The following TUT7 variants were observed in gnomAD, a reference collection of about 807,000 sequenced individuals.
TUT7 encodes terminal uridylyltransferase 7.
Under a neutral mutation model 165.9 loss-of-function variants are expected in TUT7, and 33 were observed. The ratio of observed to expected loss-of-function variants is 0.20; its 90% CI spans 0.15 to 0.27. The LOEUF (loss-of-function observed/expected upper bound fraction) is 0.27, where lower values mean the gene tolerates loss of function less well. Ranked by LOEUF, TUT7 falls within the 10% of genes least tolerant of loss-of-function variation. The pLI is 1.00. For synonymous variants in TUT7, 552 were observed against 608.1 expected (o/e 0.91, Z 1.36); for missense variants, 1,338 against 1,762.3 (o/e 0.76, Z 4.31).
chr9:86,343,285 T>C (rs1185282120), intron 5 of TUT7, 122 bp from the exon 6 acceptor site: 2 of 533,916 alleles, frequency 3.7e-6, no homozygotes, highest in East Asian at 6.8e-5. Flanking sequence ...AGCAAACTTG[T>C]ATTCAAGACT....
rs556832304 is a variant in TUT7 at position 86,329,701 on chromosome 9, A to T, written c.1456-1209T>A. On this transcript the variant is annotated intron_variant, in intron 10 of 26. Coordinates refer to ENST00000375963, the MANE Select transcript of TUT7 (RefSeq NM_024617.4). ...ACAGAAGACACACTCTCCTGTTCAT[A>T]GTGGTTTCTGTCTCACTCTAGATGA... Among the ~76,000 whole-genome samples the T allele has an allele frequency of 4.2e-4, 64 of 152,318 alleles. 1 individual carries two copies. The South Asian group carries it at 0.012, about 28-fold the overall frequency.
chr9:86,303,691 T>C (rs1031188272), intron 24 of TUT7, among the ~76,000 whole-genome samples: 8 of 152,198 alleles, frequency 5.3e-5, no homozygotes, highest in Admixed American at 2.6e-4. Context: ...AAGATAATGG[T>C]CTAGCCTGTA....
At position 86,301,309 on chromosome 9, in the gene TUT7, T is replaced by C; in HGVS notation, c.4387A>G (p.Lys1463Glu). The change falls in exon 26 of 27, where the codon AAA (lysine) becomes GAA (glutamate). Residue 1463 changes from lysine to glutamate, a missense_variant. Coordinates refer to ENST00000375963, the MANE Select transcript of TUT7 (RefSeq NM_024617.4). Reference protein sequence around the residue: ...CFICGREGHIKKECPQFKGSS... With the variant: ...CFICGREGHIEKECPQFKGSS... ...CCTTTAAACTGTGGGCATTCCTTTT[T>C]AATGTGCCCTTCTCTTCCACAAATA... is the stretch of plus-strand genomic sequence containing the variant. The C allele has an allele frequency of 6.2e-7, 1 of 1,614,162 alleles. No homozygotes were observed. Among genetic ancestry groups the C allele is most frequent in the Non-Finnish European group, 8.5e-7 (1 of 1,180,026 alleles).
In TUT7 at chr9:86,301,499, T is replaced by C. The variant is rs1826897931; in HGVS notation, c.4197A>G (p.Thr1399=). The C allele has an allele frequency of 1.2e-6, 2 of 1,614,034 alleles. No homozygotes were observed. The highest frequency in any genetic ancestry group is 1.1e-5 in the South Asian group (1 of 91,084). Reference sequence around the variant, plus strand: ...CTTCTTTTGTTGACACCTCCCTTTCTGTGTACTTGTTGTGAATTTCTTTGT... The same window carrying C: ...CTTCTTTTGTTGACACCTCCCTTTCCGTGTACTTGTTGTGAATTTCTTTGT... ...KEDKEIHNKY[T]EREVSTKEDK... The change falls in exon 26 of 27, where the codon ACA becomes ACG. Residue 1399 remains threonine (T), a synonymous_variant. Transcript: ENST00000375963.
intron 26 of TUT7, among the ~76,000 whole-genome samples, chr9:86,294,752 TTATTA>T (rs1408148540): frequency 6.6e-6 from 1 of 151,160 alleles, no homozygotes; most frequent in African/African-American, 2.4e-5. Flanking sequence ...TTGTTTATTA[TTATTA>T]TATTTTAAGT....
chr9:86,310,605 C>T (rs114255288), intron 18 of TUT7, 101 bp downstream of exon 18: 13 of 601,026 alleles, frequency 2.2e-5, no homozygotes, highest in Admixed American at 6.1e-5. Flanking sequence ...GAAAGATTCA[C>T]TAAGATGAAA....
chr9:86,333,144 G>A (rs1279467683), intron 10 of TUT7, among the ~76,000 whole-genome samples: 1 of 152,080 alleles, frequency 6.6e-6, no homozygotes, highest in Non-Finnish European at 1.5e-5. Flanking sequence ...TGTTTTAGCA[G>A]CAGGTAATTA....
Position 86,323,347 on chromosome 9 carries a change from C to T in TUT7, c.2403G>A (p.Glu801=), listed in dbSNP as rs1245361415. ...GFQNPTAKEC[E]GLATLDNKAD... ...CCTTGTTATCTAAAGTGGCAAGTCCCTCACACTCTTTAGCTGTGGGATTTT... is the reference window on the plus strand; with the variant it reads ...CCTTGTTATCTAAAGTGGCAAGTCCTTCACACTCTTTAGCTGTGGGATTTT... Residue 801 remains glutamate, a synonymous_variant, in exon 13 of 27, where the codon GAG becomes GAA. Coordinates refer to ENST00000375963, the MANE Select transcript of TUT7 (RefSeq NM_024617.4). The T allele has an allele frequency of 6.2e-7, 1 of 1,614,120 alleles. No homozygotes were observed. Among genetic ancestry groups the T allele is most frequent in the Admixed American group, 1.7e-5 (1 of 60,018 alleles).
intron 15 of TUT7, 119 bp from the exon 16 acceptor site, chr9:86,319,177 TACTTATGTTCTCTGATTA>T (rs1829000686): frequency 3.1e-6 from 2 of 644,046 alleles, no homozygotes; most frequent in Non-Finnish European, 5.2e-6. Flanking sequence ...ATTAATCTCA[TACTTATGTTCTCTGATTA>T]ACTGGTCATT....
At position 86,343,150 on chromosome 9, in the gene TUT7, T is replaced by C; in HGVS notation, c.1011A>G (p.Arg337=). The C allele has an allele frequency of 6.4e-7, 1 of 1,562,312 alleles. No homozygotes were observed. Among genetic ancestry groups the C allele is most frequent in the African/African-American group, 1.4e-5 (1 of 72,764 alleles). The stretch of plus-strand genomic sequence containing the variant: ...ATCTGCTACAGGATGACCCATATAA[T>C]CTTAGGGAACAATCTAAAAAATAAA... ...FQHKLPDCSL[R]LYGSSCSRLG... Residue 337 remains arginine (R), a synonymous_variant, in exon 6 of 27, where the codon AGA becomes AGG. Coordinates refer to ENST00000375963, the MANE Select transcript of TUT7 (RefSeq NM_024617.4).
chr9:86,340,317 T>G (rs956359176), intron 7 of TUT7, among the ~76,000 whole-genome samples: 2 of 152,240 alleles, frequency 1.3e-5, no homozygotes, highest in Non-Finnish European at 2.9e-5. Flanking sequence ...GTTTGTAAAG[T>G]GAATGTTTCA....
chr9:86,338,158 A>G (rs115813437), intron 9 of TUT7, among the ~76,000 whole-genome samples: 1,708 of 151,940 alleles, frequency 0.011, 36 homozygotes, highest in African/African-American at 0.039. Context: ...TTATTGATAT[A>G]CCTGAATCAG....
Position 86,325,445 on chromosome 9 carries a change from G to A in TUT7, c.1678C>T (p.Arg560Trp), listed in dbSNP as rs1829703179. The A allele has an allele frequency of 2.5e-6, 4 of 1,613,924 alleles. No homozygotes were observed. Among genetic ancestry groups the A allele is most frequent in the Non-Finnish European group, 3.4e-6 (4 of 1,179,938 alleles). ...AAATTAAATTCTAAAGCATAGAACC[G>A]CAGCAATTCCACCCAGAGCTGCCCA... Reference protein sequence around the residue: ...PVGQLWVELLRFYALEFNLAD... With the variant: ...PVGQLWVELLWFYALEFNLAD... The change falls in exon 12 of 27, where the codon CGG becomes TGG. Residue 560 changes from arginine (R) to tryptophan (W), a missense_variant. By Grantham distance (101) the Arg-to-Trp change is moderately radical (BLOSUM62 -3). Coordinates refer to ENST00000375963, the MANE Select transcript of TUT7 (RefSeq NM_024617.4).
chr9:86,349,593 A>G (rs1308936703), intron 2 of TUT7, among the ~76,000 whole-genome samples: 1 of 152,198 alleles, frequency 6.6e-6, no homozygotes, highest in Non-Finnish European at 1.5e-5. Flanking sequence ...ACTCCACCAT[A>G]ATTTCCATTA....
intron 2 of TUT7, among the ~76,000 whole-genome samples, chr9:86,351,127 T>A (rs1564104694): frequency 1.7e-5 from 2 of 115,034 alleles, no homozygotes; most frequent in African/African-American, 6.8e-5. Context: ...ACAGTGAGAC[T>A]GTCTCAAAAA....
At chr9:86,301,162 T>A in intron 26 of TUT7, 114 bp downstream of exon 26, 1 of 982,820 alleles carries the variant, frequency 1.0e-6, no homozygotes, top group East Asian at 2.6e-5. Context: ...AAGATCTTTT[T>A]TGAGTAAATA....
intron 17 of TUT7, 65 bp from the exon 18 acceptor site, chr9:86,310,874 T>G: frequency 1.1e-6 from 1 of 914,972 alleles, no homozygotes; most frequent in South Asian, 1.4e-5. Flanking sequence ...ACTCTTATGT[T>G]AATGTTCCAA....
chr9:86,298,645 A>G (rs1826578179), intron 26 of TUT7: 1 of 322,148 alleles, frequency 3.1e-6, no homozygotes, highest in South Asian at 1.2e-4. Flanking sequence ...AGTTCCCCCA[A>G]GTGATTCTGA....
intron 8 of TUT7, among the ~76,000 whole-genome samples, chr9:86,339,504 C>T (rs1364370986): frequency 2.6e-5 from 4 of 151,926 alleles, no homozygotes; most frequent in African/African-American, 7.3e-5. Context: ...GGCAACAGAG[C>T]GAGACTCCGT....
Sources: allele counts gnomAD v4.1 joint callset (sites outside exome capture counted in the v4.1 genomes callset), GRCh38; gene constraint gnomAD v4.1.1; transcripts MANE v1.5; gene names NCBI Gene and HGNC (gene_info 2026-07-23, HGNC 2026-07-21).